Variants in CDHR2 observed in about 807,000 individuals in gnomAD.
CDHR2 encodes cadherin-related family member 2.
Under a neutral mutation model 138.6 loss-of-function variants are expected in CDHR2, and 104 were observed. The ratio of observed to expected loss-of-function variants is 0.75; its 90% confidence interval spans 0.64 to 0.88. The LOEUF is 0.88. Among genes scored for constraint, CDHR2 ranks in the 40% least tolerant of loss-of-function variants. CDHR2 has a pLI of 0.00. For synonymous variants in CDHR2, 755 were observed against 742.8 expected (o/e 1.02, Z -0.27); for missense variants, 1,624 against 1,727.6 (o/e 0.94, Z 1.06).
intron 15 of CDHR2, 108 bp from the exon 16 acceptor site, chr5:176,578,257 G>A (rs1263734723): frequency 1.1e-5 from 14 of 1,226,238 alleles, no homozygotes; most frequent in Non-Finnish European, 1.6e-5. Context: ...TGAATATGTT[G>A]CATATACTGC....
chr5:176,570,663 AAATT>A (rs1758203741), intron 5 of CDHR2, among the ~76,000 whole-genome samples: 2 of 152,232 alleles, frequency 1.3e-5, no homozygotes, highest in African/African-American at 4.8e-5. Flanking sequence ...TATATTTAAA[AAATT>A]AACTGCTGGC....
chr5:176,543,572 C>T lies in CDHR2; in HGVS notation c.-16+803C>T, dbSNP rs1248073961. The T allele has an allele frequency of 6.6e-6, 1 of 152,278 alleles. No individual in the cohort carries two copies. 9.4% of individuals were successfully genotyped at this position (152,278 alleles called of 1,614,324 possible). On this transcript the variant is annotated intron_variant, in intron 1 of 31. Coordinates refer to the CDHR2 transcript ENST00000510636. This position sits in a 1 kb window ranked among gnomAD's most constrained non-coding sequence, Gnocchi z 4.0. ...CCAGGGGTGCGTAAGGGCGCGGCGC[C>T]TGGGGCCTGGCAGCCTCCGTGACCT...
At chr5:176,559,310 T>A (rs1757913777) in intron 1 of CDHR2, among the ~76,000 whole-genome samples, 2 of 152,218 alleles carry the variant, frequency 1.3e-5, no homozygotes, top group Non-Finnish European at 2.9e-5. Flanking sequence ...CTCCCACACA[T>A]AGCTCCATTA....
intron 5 of CDHR2, among the ~76,000 whole-genome samples, chr5:176,569,324 C>T (rs1186449756): frequency 6.7e-6 from 1 of 148,530 alleles, no homozygotes; most frequent in Non-Finnish European, 1.5e-5. Flanking sequence ...CGCTCTGTCG[C>T]CCAGGCTGGA....
intron 24 of CDHR2, 58 bp downstream of exon 24, chr5:176,589,674 C>T (rs531353695): frequency 6.8e-7 from 1 of 1,481,274 alleles, no homozygotes; most frequent in South Asian, 1.1e-5. Context: ...GGAGCCTGGT[C>T]CCCGACAAAA....
At chr5:176,552,229 G>A (rs1757721971) in intron 1 of CDHR2, among the ~76,000 whole-genome samples, 2 of 152,206 alleles carry the variant, frequency 1.3e-5, no homozygotes, top group Non-Finnish European at 2.9e-5. Context: ...AGGAAATGAG[G>A]AGCCCAGAGT....
In CDHR2 at chr5:176,576,086, C is replaced by T. The variant is rs199670202; in HGVS notation, c.1095C>T (p.Pro365=). Residue 365 remains proline (P), a synonymous_variant, in exon 12 of 32, where the codon CCC becomes CCT. Coordinates refer to ENST00000261944, the MANE Select transcript of CDHR2 (RefSeq NM_017675.6). The surrounding 1 kb of genome is among the most constrained non-coding windows in gnomAD (Gnocchi z 4.5). ...GCCTCCCAGCCTGCACCTTCACCCCCGAAGAGGCCCAAGTGAACTTCACTG... is the reference window on the plus strand; with the variant it reads ...GCCTCCCAGCCTGCACCTTCACCCCTGAAGAGGCCCAAGTGAACTTCACTG... ...NCSLPACTFT[P]EEAQVNFTGY... The T allele has an allele frequency of 1.7e-5, 28 of 1,614,132 alleles. No homozygotes were observed. The highest frequency in any genetic ancestry group is 2.2e-5 in the Non-Finnish European group (26 of 1,180,030).
intron 5 of CDHR2, among the ~76,000 whole-genome samples, chr5:176,570,174 T>C (rs1019868508): frequency 6.6e-6 from 1 of 152,176 alleles, no homozygotes; most frequent in African/African-American, 2.4e-5. Flanking sequence ...CGATTGAGCT[T>C]AGAGCTCTCT....
At chr5:176,587,842 G>T (rs1053205887) in intron 21 of CDHR2, among the ~76,000 whole-genome samples, 2 of 152,182 alleles carry the variant, frequency 1.3e-5, no homozygotes, top group African/African-American at 4.8e-5. Context: ...CCCTCTCTAG[G>T]TTGACGTTCA....
chr5:176,593,751 G>C (rs1035290507), intron 31 of CDHR2, among the ~76,000 whole-genome samples: 3 of 152,172 alleles, frequency 2.0e-5, no homozygotes, highest in Non-Finnish European at 4.4e-5. Flanking sequence ...TTTTCCCTGA[G>C]GACTCCTTAC....
intron 20 of CDHR2, 76 bp from the exon 21 acceptor site, chr5:176,586,717 C>A: frequency 7.3e-7 from 1 of 1,378,152 alleles, no homozygotes; most frequent in Non-Finnish European, 1.0e-6. Flanking sequence ...GAGCCCTGAG[C>A]TGGGCTCGTG....
intron 30 of CDHR2, chr5:176,591,754 A>C: frequency 6.8e-6 from 1 of 148,014 alleles, no homozygotes; most frequent in Non-Finnish European, 1.5e-5. Flanking sequence ...GATGGTGGTG[A>C]TGATGGTGAT....
At chr5:176,546,064 C>G (rs968506764), upstream of CDHR2, among the ~76,000 whole-genome samples, 1 of 152,220 alleles carries the variant, frequency 6.6e-6, no homozygotes, top group Admixed American at 6.5e-5. Flanking sequence ...AGCAGAGCGA[C>G]CAGGCTGACT....
rs2113342940 is a variant in CDHR2, at chr5:176,595,676, G to A, written c.*4G>A. 1 of 1,579,886 alleles carries A rather than the reference G, an allele frequency of 6.3e-7. No homozygotes were observed. Among genetic ancestry groups the A allele is most frequent in the Non-Finnish European group, 8.6e-7 (1 of 1,162,416 alleles). On this transcript the variant is annotated 3_prime_UTR_variant, in exon 32 of 32. Coordinates refer to ENST00000261944, the MANE Select transcript of CDHR2 (RefSeq NM_017675.6). Reference sequence around the variant, plus strand: ...CCTGGACACCACGGACCTGTGACAGGGGCCCCCACTCTTCTGGACCCCTTG... The same window carrying A: ...CCTGGACACCACGGACCTGTGACAGAGGCCCCCACTCTTCTGGACCCCTTG...
chr5:176,567,091 C>G (rs1056575667), intron 3 of CDHR2: 9 of 449,922 alleles, frequency 2.0e-5, no homozygotes, highest in Non-Finnish European at 4.0e-5. Context: ...GTGTCCAGTT[C>G]TAGTCAATCT....
chr5:176,565,823 C>T, intron 3 of CDHR2, 80 bp downstream of exon 3: 3 of 1,022,734 alleles, frequency 2.9e-6, no homozygotes, highest in Non-Finnish European at 4.5e-6. Flanking sequence ...GGAGCCCCCA[C>T]CATGCCTGCA....
At position 176,585,800 on chromosome 5, in the gene CDHR2, GGGGTTGAGGCTGCGGGGCACA is replaced by G. The variant is rs1758648525; in HGVS notation, c.2735-133_2735-113del. On this transcript the variant is annotated intron_variant, in intron 19 of 31. Coordinates refer to ENST00000261944, the MANE Select transcript of CDHR2 (RefSeq NM_017675.6). ...GCATGGGGTTGAGGCTGCGGGGCAC[GGGGTTGAGGCTGCGGGGCACA>G]GGGTTGAGGCTGCGGGGCACGGGGT... Among the ~76,000 whole-genome samples the G allele has an allele frequency of 5.9e-5, 9 of 151,366 alleles. No individual in the cohort carries two copies. The South Asian group carries it at 1.7e-3, about 28-fold the overall frequency.
At position 176,578,531 on chromosome 5, in the gene CDHR2, G is replaced by A. The variant is rs938072723; in HGVS notation, c.1741G>A (p.Asp581Asn). The change falls in exon 16 of 32, where the codon GAC becomes AAC. Residue 581 changes from aspartate (D) to asparagine (N), a missense_variant. Around this residue, in one of 3 missense-constraint regions of CDHR2, gnomAD observed 1,061 missense variants for 1,136.6 expected, o/e 0.93. Transcript: ENST00000261944. The part of the protein sequence containing the change: ...TLQIHLLDIN[D>N]NAPVVSGSYN... ...GCAGATCCACCTGCTGGACATCAAC[G>A]ACAATGCACCCGTGGTTAGCGGCTC... 5.6e-6 allele frequency: 9 copies of A among 1,614,014 alleles called. No homozygotes were observed. The highest frequency in any genetic ancestry group is 7.6e-6 in the Non-Finnish European group (9 of 1,180,052).
intron 30 of CDHR2, 26 bp from the exon 31 acceptor site, chr5:176,592,697 C>T (rs1758919514): frequency 1.2e-6 from 2 of 1,612,246 alleles, no homozygotes; most frequent in Non-Finnish European, 8.5e-7. Flanking sequence ...CCTGCCAACA[C>T]CTGAGCTCCA....
Sources: gnomAD v4.1 joint callset for allele counts (sites outside exome capture counted in the v4.1 genomes callset) on GRCh38, gnomAD v4.1.1 for gene constraint, gnomAD v4.1.1 regional missense constraint, Gnocchi (gnomAD v3.1) non-coding constraint, MANE v1.5 for transcripts, NCBI Gene and HGNC (gene_info 2026-07-23, HGNC 2026-07-21) for gene names.